The following DOC2A variants were observed in gnomAD, a reference collection of about 807,000 sequenced individuals.
The protein encoded by DOC2A is double C2 domain alpha.
A neutral mutation model predicts 40.6 loss-of-function variants in DOC2A; 28 were observed. The observed-to-expected ratio is 0.69, with a 90% CI of 0.51 to 0.95. The LOEUF (loss-of-function observed/expected upper bound fraction) is 0.95, where lower values mean the gene tolerates loss of function less well. DOC2A is among the 40% of genes least tolerant of loss of function. DOC2A has a pLI of 0.00. For missense variants in DOC2A, 474 were observed against 552.5 expected, an observed-to-expected ratio of 0.86 and a Z score of 1.42; for synonymous variants, 241 against 236.9, an observed-to-expected ratio of 1.02 and a Z score of -0.16.
chr16:30,013,269 C>G (rs1231377144), upstream of DOC2A, among the ~76,000 whole-genome samples: 1 of 110,428 alleles, frequency 9.1e-6, no homozygotes, highest in Non-Finnish European at 1.9e-5. Context: ...TTTTTCTTTT[C>G]TTTTTTTTTT....
At position 30,006,956 on chromosome 16, in the gene DOC2A, G is replaced by T. The variant is rs200746766; in HGVS notation, c.715-8C>A. 3 of 1,613,582 alleles carry T rather than the reference G, an allele frequency of 1.9e-6. No individual in the cohort carries two copies. Among genetic ancestry groups the T allele is most frequent in the Non-Finnish European group, 2.5e-6 (3 of 1,179,738 alleles). On this transcript the variant is annotated splice_polypyrimidine_tract_variant and splice_region_variant and intron_variant, in intron 7 of 10. Coordinates refer to ENST00000350119, the MANE Select transcript of DOC2A (RefSeq NM_003586.3). This position sits in a 1 kb window ranked among gnomAD's most constrained non-coding sequence, Gnocchi z 6.2. ...CTGCTCCGCCTGCTCCAACTGCGGG[G>T]CACAGACTCAGGGTCAGCCTGGGCC...
Position 30,005,910 on chromosome 16 carries a change from G to GGGGGCCTGGGGCC in DOC2A, c.*263_*275dup. ...GTGGAGAGGCAGGAGTGAGGAGCGCGGGGGCCTGGGGCCGGGCTCTGAGCA... is the reference window on the plus strand; with the variant it reads ...GTGGAGAGGCAGGAGTGAGGAGCGCGGGGGCCTGGGGCCGGGGCCTGGGGCCGGGCTCTGAGCA... On this transcript the variant is annotated 3_prime_UTR_variant, in exon 11 of 11. Transcript: ENST00000350119. 1 of 535,224 alleles carries GGGGGCCTGGGGCC rather than the reference G, an allele frequency of 1.9e-6. No individual in the cohort carries two copies. Among genetic ancestry groups the GGGGGCCTGGGGCC allele is most frequent in the Non-Finnish European group, 3.3e-6 (1 of 300,840 alleles). The allele number at this position is 535,224 out of a possible 1,614,324, so 33.2% of individuals were successfully genotyped here.
chr16:30,005,933 G>T lies in DOC2A; in HGVS notation c.*253C>A. The T allele has an allele frequency of 1.8e-6, 1 of 569,310 alleles. No individual in the cohort carries two copies. Among genetic ancestry groups the T allele is most frequent in the Non-Finnish European group, 3.1e-6 (1 of 322,238 alleles). The allele number at this position is 569,310 out of a possible 1,614,324, so 35.3% of individuals were successfully genotyped here. A position where few individuals can be genotyped will look rare whatever the true frequency, so the allele number is the denominator to read the frequency against. On this transcript the variant is annotated 3_prime_UTR_variant, in exon 11 of 11. Transcript: ENST00000350119. ...GCGGGGGCCTGGGGCCGGGCTCTGA[G>T]CACTGCCCGGGTGTGCAGATGATGG...
chr16:30,010,689 C>T lies in DOC2A; in HGVS notation c.-14+214G>A, dbSNP rs976658564. On this transcript the variant is annotated intron_variant, in intron 1 of 10. Transcript: ENST00000350119. The surrounding 1 kb of genome is among the most constrained non-coding windows in gnomAD (Gnocchi z 4.2). ...TCTAGGCTCCAACTGCCCACTGTCC[C>T]CTCATTCAGCCCCAGGACCTGTCTG... 1.3e-5 allele frequency among the ~76,000 whole-genome samples: 2 copies of T among 152,160 alleles called. No individual in the cohort carries two copies. The highest frequency in any genetic ancestry group is 2.9e-5 in the Non-Finnish European group (2 of 68,016).
chr16:30,022,400 G>A (rs1596718719), upstream of DOC2A, among the ~76,000 whole-genome samples: 1 of 152,148 alleles, frequency 6.6e-6, no homozygotes, highest in East Asian at 1.9e-4. Context: ...GCTGGGCATG[G>A]TGGCTCATGC....
intron 5 of DOC2A, chr16:30,008,668 C>T (rs773250725): frequency 3.1e-6 from 1 of 324,694 alleles, no homozygotes; most frequent in Non-Finnish European, 6.0e-6. Context: ...CCACGCCCGG[C>T]TAATTTTTGT....
rs1174896098 is a variant in DOC2A at position 30,010,663 on chromosome 16, C to T, written c.-14+240G>A. The T allele has an allele frequency of 7.7e-6, 2 of 259,054 alleles. No homozygotes were observed. Among genetic ancestry groups the T allele is most frequent in the Admixed American group, 1.0e-4 (2 of 19,538 alleles). 16.0% of individuals were successfully genotyped at this position (259,054 alleles called of 1,614,324 possible). ...GGTCTAGTCAGGGTGTCACCCACCCCTCTAGGCTCCAACTGCCCACTGTCC... is the reference window on the plus strand; with the variant it reads ...GGTCTAGTCAGGGTGTCACCCACCCTTCTAGGCTCCAACTGCCCACTGTCC... On this transcript the variant is annotated intron_variant, in intron 1 of 10. Coordinates refer to ENST00000350119, the MANE Select transcript of DOC2A (RefSeq NM_003586.3). This position sits in a 1 kb window ranked among gnomAD's most constrained non-coding sequence, Gnocchi z 4.2.
rs779126419 is a variant in DOC2A at position 30,010,247 on chromosome 16, C to T, written c.-13-12G>A. The T allele has an allele frequency of 5.0e-6, 8 of 1,612,478 alleles. No homozygotes were observed. The highest frequency in any genetic ancestry group is 1.3e-5 in the African/African-American group (1 of 75,060). On this transcript the variant is annotated splice_polypyrimidine_tract_variant and intron_variant, in intron 1 of 10. Transcript: ENST00000350119. The surrounding 1 kb of genome is among the most constrained non-coding windows in gnomAD (Gnocchi z 4.2). ...TGCAGCACCCCTGGCTAGGAGAGGGCGTGTGAGCCAGTGAGCCCATCATAC... is the reference window on the plus strand; with the variant it reads ...TGCAGCACCCCTGGCTAGGAGAGGGTGTGTGAGCCAGTGAGCCCATCATAC...
At position 30,010,008 on chromosome 16, in the gene DOC2A, G is replaced by T; in HGVS notation, c.215C>A (p.Thr72Lys). ...APPAALLGATTPEDGAEVDSY... is the reference protein window; with the variant it reads ...APPAALLGATKPEDGAEVDSY... ...GTCCACCTCCGCACCATCCTCAGGC[G>T]TGGTGGCCCCAAGGAGGGCTGCAGG... The change falls in exon 2 of 11, where the codon ACG (threonine) becomes AAG (lysine). Residue 72 changes from threonine (T) to lysine (K), a missense_variant. Physicochemically the swap from Thr to Lys is moderately conservative, Grantham distance 78. Coordinates refer to ENST00000350119, the MANE Select transcript of DOC2A (RefSeq NM_003586.3). This position sits in a 1 kb window ranked among gnomAD's most constrained non-coding sequence, Gnocchi z 4.2. 6.2e-7 allele frequency: 1 copy of T among 1,612,208 alleles called. No individual in the cohort carries two copies. Among genetic ancestry groups the T allele is most frequent in the South Asian group, 1.1e-5 (1 of 91,026 alleles).
In DOC2A at chr16:30,009,579, C is replaced by T; in HGVS notation, c.263-22G>A. On this transcript the variant is annotated intron_variant, in intron 2 of 10. Coordinates refer to ENST00000350119, the MANE Select transcript of DOC2A (RefSeq NM_003586.3). This position sits in a 1 kb window ranked among gnomAD's most constrained non-coding sequence, Gnocchi z 4.1. The stretch of plus-strand genomic sequence containing the variant: ...GCGGCTGGAGAGAGAGGAAAGGCAG[C>T]ATGGGTCGGTATGGAGACAGGTGTG... 2 of 1,548,040 alleles carry T rather than the reference C, an allele frequency of 1.3e-6. No individual in the cohort carries two copies. Among genetic ancestry groups the T allele is most frequent in the Non-Finnish European group, 8.7e-7 (1 of 1,145,110 alleles).
At chr16:30,016,457 A>G (rs146281592), upstream of DOC2A, among the ~76,000 whole-genome samples, 1 of 152,316 alleles carries the variant, frequency 6.6e-6, no homozygotes, top group East Asian at 1.9e-4. Context: ...CGGTGAGTTT[A>G]GCAAGAGGGT....
At chr16:30,008,080 G>A (rs1322190926) in intron 5 of DOC2A, 3 of 153,868 alleles carry the variant, frequency 1.9e-5, no homozygotes, top group Non-Finnish European at 2.9e-5. Flanking sequence ...CTGCTGCACA[G>A]CCCTGACCAT....
Position 30,006,842 on chromosome 16 carries a change from C to T in DOC2A, c.821G>A (p.Arg274His), listed in dbSNP as rs372195259. 3.7e-6 allele frequency: 6 copies of T among 1,613,590 alleles called. No individual in the cohort carries two copies. Among genetic ancestry groups the T allele is most frequent in the Admixed American group, 1.7e-5 (1 of 59,992 alleles). Residue 274 changes from arginine to histidine, a missense_variant, in exon 8 of 11, where the codon CGC (arginine) becomes CAC (histidine). By Grantham distance (29) the Arg-to-His change is conservative. Transcript: ENST00000350119. This position sits in a 1 kb window ranked among gnomAD's most constrained non-coding sequence, Gnocchi z 6.2. ...GTCCATGGCAGCCAGATGGGCGCAG[C>T]GCAAGATGCCTACCAGCAGTCCCCG... ...RRRGLLVGIL[R>H]CAHLAAMDVN...
rs1353048158 is a variant in DOC2A, at chr16:30,006,826, A to G, written c.837T>C (p.Ala279=). Residue 279 remains alanine, a synonymous_variant, in exon 8 of 11, where the codon GCT becomes GCC. Coordinates refer to ENST00000350119, the MANE Select transcript of DOC2A (RefSeq NM_003586.3). This position sits in a 1 kb window ranked among gnomAD's most constrained non-coding sequence, Gnocchi z 6.2. ...LVGILRCAHL[A]AMDVNGYSDP... ...CCGAGTAACCGTTGACGTCCATGGCAGCCAGATGGGCGCAGCGCAAGATGC... is the reference window on the plus strand; with the variant it reads ...CCGAGTAACCGTTGACGTCCATGGCGGCCAGATGGGCGCAGCGCAAGATGC... The G allele has an allele frequency of 6.2e-7, 1 of 1,613,820 alleles. No individual in the cohort carries two copies. The highest frequency in any genetic ancestry group is 8.5e-7 in the Non-Finnish European group (1 of 1,179,912).
chr16:30,009,515 G>A lies in DOC2A; in HGVS notation c.305C>T (p.Ala102Val). The change falls in exon 3 of 11, where the codon GCC (alanine) becomes GTC (valine). Residue 102 changes from alanine (A) to valine (V), a missense_variant. By Grantham distance (64) the Ala-to-Val change is moderately conservative. Coordinates refer to ENST00000350119, the MANE Select transcript of DOC2A (RefSeq NM_003586.3). This position sits in a 1 kb window ranked among gnomAD's most constrained non-coding sequence, Gnocchi z 4.1. ...TLEFDLLYDRASCTLHCSILR... is the reference protein window; with the variant it reads ...TLEFDLLYDRVSCTLHCSILR... ...GATGCTACAGTGCAGAGTGCAGGAG[G>A]CCCGGTCGTAGAGAAGGTCAAACTC... is the stretch of plus-strand genomic sequence containing the variant. 1.3e-6 allele frequency: 2 copies of A among 1,551,572 alleles called. No individual in the cohort carries two copies. The highest frequency in any genetic ancestry group is 1.7e-6 in the Non-Finnish European group (2 of 1,146,984).
chr16:30,007,281 C>T lies in DOC2A; in HGVS notation c.546G>A (p.Glu182=). 6.2e-7 allele frequency: 1 copy of T among 1,613,936 alleles called. No individual in the cohort carries two copies. Among genetic ancestry groups the T allele is most frequent in the South Asian group, 1.1e-5 (1 of 91,084 alleles). The part of the protein sequence containing the change: ...HKVLRIAVCD[E]DKLSHNEFIG... ...TAAACTCATTGTGACTCAGCTTGTC[C>T]TCATCACAGACGGCGATCCTGGTCG... Residue 182 remains glutamate, a synonymous_variant, in exon 6 of 11, where the codon GAG becomes GAA. Coordinates refer to ENST00000350119, the MANE Select transcript of DOC2A (RefSeq NM_003586.3).
At position 30,006,559 on chromosome 16, in the gene DOC2A, C is replaced by T; in HGVS notation, c.960+37G>A. 6.2e-7 allele frequency: 1 copy of T among 1,613,644 alleles called. No homozygotes were observed. The highest frequency in any genetic ancestry group is 8.5e-7 in the Non-Finnish European group (1 of 1,179,674). On this transcript the variant is annotated intron_variant, in intron 9 of 10. Coordinates refer to ENST00000350119, the MANE Select transcript of DOC2A (RefSeq NM_003586.3). This position sits in a 1 kb window ranked among gnomAD's most constrained non-coding sequence, Gnocchi z 6.2. ...TCGTGAGCCAGCTCCCCAGCCCCTC[C>T]CTGGCCTCCCTCCATGTCCCGTCCC...
chr16:30,007,545 C>T (rs901176067), intron 5 of DOC2A: 17 of 562,148 alleles, frequency 3.0e-5, no homozygotes, highest in Admixed American at 5.8e-5. Context: ...TCTTGGAGCA[C>T]GCTGCTCACT....
Position 30,005,522 on chromosome 16 carries a change from A to C in DOC2A, c.*664T>G. 7.4e-7 allele frequency: 1 copy of C among 1,352,602 alleles called. No individual in the cohort carries two copies. Among genetic ancestry groups the C allele is most frequent in the Non-Finnish European group, 1.0e-6 (1 of 975,240 alleles). 83.8% of individuals were successfully genotyped at this position (1,352,602 alleles called of 1,614,324 possible). On this transcript the variant is annotated 3_prime_UTR_variant, in exon 11 of 11. Coordinates refer to ENST00000350119, the MANE Select transcript of DOC2A (RefSeq NM_003586.3). ...GCACACACGAGTCCAGCTTCCTCGG[A>C]GGTGTTTATTGATGCCCAGCTGCCA...
Sources: allele counts gnomAD v4.1 joint callset (sites outside exome capture counted in the v4.1 genomes callset), GRCh38; gene constraint gnomAD v4.1.1; non-coding constraint Gnocchi (gnomAD v3.1); transcripts MANE v1.5; gene names NCBI Gene and HGNC (gene_info 2026-07-23, HGNC 2026-07-21).